DNAH17: variants seen among roughly 807,000 people sequenced by gnomAD.
DNAH17 encodes axonemal beta dynein heavy chain 17.
Under a neutral mutation model 485.6 loss-of-function variants are expected in DNAH17, and 376 were observed. That is an observed-to-expected ratio of 0.77 (90% confidence interval 0.71 to 0.84). DNAH17 has a LOEUF of 0.84. DNAH17 is among the 40% of genes least tolerant of loss of function. The pLI is 0.00. For missense variants in DNAH17, 6,370 were observed against 5,839.3 expected (o/e 1.09, Z -2.96); for synonymous variants, 3,031 against 2,405.9 (o/e 1.26, Z -7.60).
At position 78,560,740 on chromosome 17, in the gene DNAH17, C is replaced by G; in HGVS notation, c.2031G>C (p.Ala677=). The part of the protein sequence containing the change: ...SNLIHVNFSK[A]LVAVLREVKY... The stretch of plus-strand genomic sequence containing the variant: ...CGCGGTCCCCACTCCTGGCACCCAC[C>G]GCTTTGCTGAAGTTGACGTGGATGA... Residue 677 remains alanine, a splice_region_variant and synonymous_variant, in exon 13 of 81, where the codon GCG becomes GCC. Transcript: ENST00000389840. 6.5e-7 allele frequency: 1 copy of G among 1,548,236 alleles called. No individual in the cohort carries two copies. The highest frequency in any genetic ancestry group is 2.4e-5 in the East Asian group (1 of 40,836).
At chr17:78,566,170 G>T (rs1031255189) in intron 11 of DNAH17, among the ~76,000 whole-genome samples, 2 of 152,104 alleles carry the variant, frequency 1.3e-5, no homozygotes, top group Admixed American at 1.3e-4. Flanking sequence ...TGTTGTTTAA[G>T]CCACCCGGTC....
At chr17:78,553,964 C>CT (rs1003544641) in intron 14 of DNAH17, among the ~76,000 whole-genome samples, 4 of 151,808 alleles carry the variant, frequency 2.6e-5, no homozygotes, top group Non-Finnish European at 4.4e-5. Flanking sequence ...AGCTCAAAAT[C>CT]TTTTTTTTAA....
At chr17:78,465,872 C>T (rs576839826) in intron 56 of DNAH17, among the ~76,000 whole-genome samples, 5,410 of 151,308 alleles carry the variant, frequency 0.036, 295 homozygotes, top group African/African-American at 0.12. Context: ...TCTGCCCAGC[C>T]GCCCCTACTG....
Position 78,449,419 on chromosome 17 carries a change from A to C in DNAH17, c.11206T>G (p.Phe3736Val), listed in dbSNP as rs1339914780. Residue 3736 changes from phenylalanine (F) to valine (V), a missense_variant, in exon 69 of 81, where the codon TTT (phenylalanine) becomes GTT (valine). Coordinates refer to ENST00000389840, the MANE Select transcript of DNAH17 (RefSeq NM_173628.4). ...ACAGTGAGGCTAGACATTACCTGAA[A>C]CGTAACTTGTGCCAGGAAAATGAGT... ...DKLIFLAQVTFQVLSMKKELN... is the reference protein window; with the variant it reads ...DKLIFLAQVTVQVLSMKKELN... 7 of 1,549,194 alleles carry C rather than the reference A, an allele frequency of 4.5e-6. No individual in the cohort carries two copies. The highest frequency in any genetic ancestry group is 1.9e-4 in the Middle Eastern group (1 of 5,286).
At position 78,512,553 on chromosome 17, in the gene DNAH17, C is replaced by T. The variant is rs148325730; in HGVS notation, c.4114-2047G>A. Among the ~76,000 whole-genome samples the T allele has an allele frequency of 4.8e-3, 683 of 140,988 alleles. 12 individuals carry two copies. The highest frequency in any genetic ancestry group is 0.016 in the African/African-American group (609 of 38,494). The allele number at this position is 140,988 out of a possible 152,430, so 92.5% of individuals were successfully genotyped here. On this transcript the variant is annotated intron_variant, in intron 26 of 80. Transcript: ENST00000389840. ...GAAGGCACTTGAGAAGAAGCAGATA[C>T]AAGAGAAGCTCTCTGTCCTCCCCCT...
chr17:78,566,509 G>GC (rs2092268492), intron 11 of DNAH17, 105 bp downstream of exon 11: 1 of 838,532 alleles, frequency 1.2e-6, no homozygotes, highest in Admixed American at 2.2e-5. Flanking sequence ...CTGGACATCA[G>GC]CTCTACATGG....
chr17:78,532,476 A>C lies in DNAH17; in HGVS notation c.3114+6T>G, dbSNP rs781064698. The stretch of plus-strand genomic sequence containing the variant: ...AAGGAGGCTGGTGGGTGAGGTCTGC[A>C]CGCACCTGCTCCTGGAACTGAGCCA... On this transcript the variant is annotated splice_donor_region_variant and intron_variant, in intron 20 of 80. Coordinates refer to ENST00000389840, the MANE Select transcript of DNAH17 (RefSeq NM_173628.4). 6.2e-7 allele frequency: 1 copy of C among 1,607,150 alleles called. No individual in the cohort carries two copies.
chr17:78,558,944 T>C (rs2092091791), intron 13 of DNAH17, among the ~76,000 whole-genome samples: 1 of 152,194 alleles, frequency 6.6e-6, no homozygotes, highest in South Asian at 2.1e-4. Context: ...ACTCTTTCCT[T>C]CTGGGCACAC....
chr17:78,523,002 C>T (rs2090972992), intron 25 of DNAH17, among the ~76,000 whole-genome samples: 1 of 152,088 alleles, frequency 6.6e-6, no homozygotes, highest in Non-Finnish European at 1.5e-5. Context: ...CACAAGTGCA[C>T]ACCACCACGC....
Position 78,574,750 on chromosome 17 carries a change from G to A in DNAH17, c.308C>T (p.Pro103Leu), listed in dbSNP as rs772240485. 5 of 1,613,250 alleles carry A rather than the reference G, an allele frequency of 3.1e-6. No individual in the cohort carries two copies. The highest frequency in any genetic ancestry group is 2.7e-5 in the African/African-American group (2 of 74,894). ...RARLLYGDIS[P>L]TPVDQLIAVV... ...CGCGATCAGCTGGTCCACGGGTGTGGGGCTGATGTCGCCGTAAAGGAGCCG... is the reference window on the plus strand; with the variant it reads ...CGCGATCAGCTGGTCCACGGGTGTGAGGCTGATGTCGCCGTAAAGGAGCCG... Residue 103 changes from proline to leucine, a missense_variant, in exon 2 of 81, where the codon CCC (proline) becomes CTC (leucine). Transcript: ENST00000389840.
At position 78,569,262 on chromosome 17, in the gene DNAH17, GAGAA is replaced by G. The variant is rs757978733; in HGVS notation, c.1198-14_1198-11del. On this transcript the variant is annotated splice_polypyrimidine_tract_variant and intron_variant, in intron 8 of 80. Transcript: ENST00000389840. ...GCACGGGCTCTTTGTCCTTAGAGGA[GAGAA>G]AGAGAGATGAGGCCACGTTTGCTTC... 6.2e-6 allele frequency: 10 copies of G among 1,600,024 alleles called. No individual in the cohort carries two copies. Among genetic ancestry groups the G allele is most frequent in the Non-Finnish European group, 7.7e-6 (9 of 1,173,254 alleles).
intron 41 of DNAH17, 94 bp from the exon 42 acceptor site, chr17:78,492,859 T>TTTTTTTTTTTTC: frequency 9.0e-7 from 1 of 1,114,342 alleles, no homozygotes; most frequent in Non-Finnish European, 1.2e-6. Context: ...TGGATGGTTT[T>TTTTTTTTTTTTC]TTTTTTTTTG....
intron 25 of DNAH17, among the ~76,000 whole-genome samples, chr17:78,519,508 T>G (rs1346085012): frequency 6.6e-6 from 1 of 152,192 alleles, no homozygotes; most frequent in African/African-American, 2.4e-5. Flanking sequence ...ATCTTTTTCT[T>G]TGAAAAATCA....
chr17:78,537,464 CAG>C lies in DNAH17; in HGVS notation c.2692_2693del (p.Leu898ValfsTer2), dbSNP rs1362706545. On this transcript the variant is annotated frameshift_variant, in exon 19 of 81. Coordinates refer to ENST00000389840, the MANE Select transcript of DNAH17 (RefSeq NM_173628.4). LOFTEE classifies it high-confidence loss of function. Reference protein sequence around the residue: ...NMVIDESIAPLFEIRMELDED... With the variant: ...NMVIDESIAPXFEIRMELDED... ...CGTCCAGCTCCATGCGGATCTCAAA[CAG>C]GGGAGCGATACTCTCCTGAAAGAGG... The C allele has an allele frequency of 3.7e-6, 6 of 1,613,366 alleles. No individual in the cohort carries two copies. The Admixed American group carries it at 5.0e-5, about 13-fold the overall frequency.
intron 16 of DNAH17, among the ~76,000 whole-genome samples, chr17:78,550,336 G>GC (rs2091870752): frequency 1.3e-5 from 2 of 152,292 alleles, no homozygotes; most frequent in Non-Finnish European, 2.9e-5. Flanking sequence ...GCAGAGCACT[G>GC]CCAGCCTGCC....
chr17:78,566,948 T>C, intron 10 of DNAH17, 51 bp downstream of exon 10: 1 of 1,561,442 alleles, frequency 6.4e-7, no homozygotes, highest in Non-Finnish European at 8.7e-7. Context: ...GTACCGAGGC[T>C]GGTGCTGTTC....
At chr17:78,514,473 C>G (rs2090721581) in intron 26 of DNAH17, among the ~76,000 whole-genome samples, 1 of 137,330 alleles carries the variant, frequency 7.3e-6, no homozygotes, top group Middle Eastern at 4.0e-3. Context: ...CCACTGCACT[C>G]CAACCTGGTG....
intron 44 of DNAH17, among the ~76,000 whole-genome samples, chr17:78,488,519 G>A (rs1568138522): frequency 3.3e-5 from 5 of 152,222 alleles, no homozygotes; most frequent in Middle Eastern, 3.4e-3. Context: ...AGGACTCCAC[G>A]ATCCTGTCTT....
chr17:78,505,044 C>G (rs1005493826), intron 31 of DNAH17, among the ~76,000 whole-genome samples: 14 of 151,872 alleles, frequency 9.2e-5, no homozygotes, highest in African/African-American at 2.9e-4. Flanking sequence ...CAGGGCTTTT[C>G]TCCCGTCCTT....
Sources: gnomAD v4.1 joint callset for allele counts (sites outside exome capture counted in the v4.1 genomes callset) on GRCh38, gnomAD v4.1.1 for gene constraint, MANE v1.5 for transcripts, NCBI Gene and HGNC (gene_info 2026-07-23, HGNC 2026-07-21) for gene names.